The following ARHGAP10 variants were observed in gnomAD, a reference collection of about 807,000 sequenced individuals.
ARHGAP10 encodes rho GTPase-activating protein 10.
Under a neutral mutation model 108.6 loss-of-function variants are expected in ARHGAP10, and 87 were observed. That is an observed-to-expected ratio of 0.80 (90% CI 0.67 to 0.96). The LOEUF (loss-of-function observed/expected upper bound fraction) is 0.96, where lower values mean the gene tolerates loss of function less well. Among genes scored for constraint, ARHGAP10 ranks in the 40% least tolerant of loss-of-function variants. ARHGAP10 has a pLI of 0.00. For synonymous variants in ARHGAP10, 347 were observed against 341.1 expected (o/e 1.02, Z -0.19); for missense variants, 939 against 954.5 (o/e 0.98, Z 0.21).
intron 1 of ARHGAP10, among the ~76,000 whole-genome samples, chr4:147,794,141 T>A (rs1731226564): frequency 6.6e-6 from 1 of 152,140 alleles, no homozygotes; most frequent in Non-Finnish European, 1.5e-5. Flanking sequence ...TGGTGGAAAG[T>A]GCAAAGTAAG....
intron 1 of ARHGAP10, among the ~76,000 whole-genome samples, chr4:147,743,813 A>G (rs1330431624): frequency 6.6e-6 from 1 of 152,184 alleles, no homozygotes; most frequent in Non-Finnish European, 1.5e-5. Flanking sequence ...AATAAAGTGG[A>G]TAATAGTTAC....
Position 148,004,932 on chromosome 4 carries a change from C to T in ARHGAP10, c.1717-18331C>T, listed in dbSNP as rs118018087. Among the ~76,000 whole-genome samples, 124 of 152,304 alleles carry T rather than the reference C, an allele frequency of 8.1e-4. No individual in the cohort carries two copies. The East Asian group carries it at 0.018, about 23-fold the overall frequency. On this transcript the variant is annotated intron_variant, in intron 18 of 22. Transcript: ENST00000336498. ...AGAGTAAGCATTTTGTTTTCAGCTGCTGAGATTATGCTAATTTGTTGCACA... is the reference window on the plus strand; with the variant it reads ...AGAGTAAGCATTTTGTTTTCAGCTGTTGAGATTATGCTAATTTGTTGCACA...
chr4:147,837,996 C>T (rs1461891380), intron 3 of ARHGAP10, among the ~76,000 whole-genome samples: 1 of 152,032 alleles, frequency 6.6e-6, no homozygotes, highest in Non-Finnish European at 1.5e-5. Context: ...TCAGATGTCT[C>T]CCTTCATCAT....
intron 19 of ARHGAP10, among the ~76,000 whole-genome samples, chr4:148,023,835 C>T (rs926124021): frequency 2.0e-5 from 3 of 152,216 alleles, no homozygotes; most frequent in Non-Finnish European, 2.9e-5. Context: ...GTGTGCCTTA[C>T]TTGCCCCATT....
rs1441171197 is a variant in ARHGAP10, at chr4:147,784,520, A to G, written c.155-38207A>G. Among the ~76,000 whole-genome samples the G allele has an allele frequency of 1.9e-4, 7 of 37,234 alleles. No individual in the cohort carries two copies. In the Admixed American group the frequency reaches 2.8e-3, roughly 15 times the overall value. The allele number at this position is 37,234 out of a possible 152,430, so 24.4% of individuals were successfully genotyped here. A position where few individuals can be genotyped will look rare whatever the true frequency, so the allele number is the denominator to read the frequency against. Reference sequence around the variant, plus strand: ...ATATATAATATATACTGCAAAATATATATAATATAAAACATATATTTTATA... The same window carrying G: ...ATATATAATATATACTGCAAAATATGTATAATATAAAACATATATTTTATA... On this transcript the variant is annotated intron_variant, in intron 1 of 22. Coordinates refer to ENST00000336498, the MANE Select transcript of ARHGAP10 (RefSeq NM_024605.4).
intron 16 of ARHGAP10, among the ~76,000 whole-genome samples, chr4:147,959,880 A>G (rs138334537): frequency 6.6e-6 from 1 of 152,350 alleles, no homozygotes; most frequent in African/African-American, 2.4e-5. Flanking sequence ...TAAAGTATTT[A>G]AACTAGGTTT....
At chr4:147,770,316 G>A (rs1730024456) in intron 1 of ARHGAP10, among the ~76,000 whole-genome samples, 2 of 152,158 alleles carry the variant, frequency 1.3e-5, no homozygotes, top group Admixed American at 1.3e-4. Context: ...TTGGAGGTCA[G>A]GAGTTAGACA....
chr4:147,881,970 G>GT, intron 10 of ARHGAP10, 38 bp downstream of exon 10: 1 of 1,582,530 alleles, frequency 6.3e-7, no homozygotes. Flanking sequence ...TGAAAGAGTC[G>GT]TTTTAAAAAA....
intron 1 of ARHGAP10, among the ~76,000 whole-genome samples, chr4:147,742,017 C>T (rs1022505970): frequency 3.3e-5 from 5 of 151,990 alleles, no homozygotes; most frequent in African/African-American, 1.2e-4. Flanking sequence ...TTTCTCCTGA[C>T]TTGTTGACTT....
chr4:147,918,775 C>T (rs1737101130), intron 13 of ARHGAP10, among the ~76,000 whole-genome samples: 1 of 152,206 alleles, frequency 6.6e-6, no homozygotes, highest in African/African-American at 2.4e-5. Flanking sequence ...AAGAATATGT[C>T]ATGTCTCTCA....
chr4:147,894,137 C>A (rs567214236), intron 10 of ARHGAP10, among the ~76,000 whole-genome samples: 90 of 15,402 alleles, frequency 5.8e-3, no homozygotes, highest in African/African-American at 6.4e-3. Flanking sequence ...TGCATAAATA[C>A]TTTGGGTGTG....
chr4:148,060,408 T>C (rs1729565911), intron 20 of ARHGAP10, among the ~76,000 whole-genome samples: 1 of 149,844 alleles, frequency 6.7e-6, no homozygotes, highest in Non-Finnish European at 1.5e-5. Flanking sequence ...TGGGAGACAC[T>C]GTGAAACATG....
At chr4:148,069,080 C>T (rs1388842253) in intron 22 of ARHGAP10, among the ~76,000 whole-genome samples, 2 of 152,142 alleles carry the variant, frequency 1.3e-5, no homozygotes, top group Non-Finnish European at 2.9e-5. Context: ...TCCGCGTAGA[C>T]ACTGCTTGGG....
chr4:147,768,741 CT>C (rs34388709), intron 1 of ARHGAP10, among the ~76,000 whole-genome samples: 87,517 of 126,404 alleles, frequency 0.69, 33,689 homozygotes, highest in Non-Finnish European at 0.87. Context: ...ATTTTCTTGT[CT>C]TTTTTTTTTT....
chr4:147,866,638 C>A, intron 6 of ARHGAP10, 74 bp from the exon 7 acceptor site: 1 of 1,089,724 alleles, frequency 9.2e-7, no homozygotes, highest in Non-Finnish European at 1.4e-6. Flanking sequence ...GGGGGGAACA[C>A]TTGGTTGTTT....
chr4:148,035,891 C>G (rs1271172289), intron 19 of ARHGAP10, among the ~76,000 whole-genome samples: 1 of 152,120 alleles, frequency 6.6e-6, no homozygotes, highest in Non-Finnish European at 1.5e-5. Context: ...GCAATACTTA[C>G]TACTCTATGG....
At chr4:147,975,924 C>T (rs1383517723) in intron 18 of ARHGAP10, among the ~76,000 whole-genome samples, 2 of 152,196 alleles carry the variant, frequency 1.3e-5, no homozygotes, top group African/African-American at 4.8e-5. Context: ...GCATCTACCT[C>T]TCTTTGCCAC....
chr4:148,066,392 A>G lies in ARHGAP10; in HGVS notation c.2272+1885A>G, dbSNP rs1166456151. 3.9e-5 allele frequency among the ~76,000 whole-genome samples: 6 copies of G among 152,236 alleles called. No homozygotes were observed. The East Asian group carries it at 1.2e-3, about 29-fold the overall frequency. The stretch of plus-strand genomic sequence containing the variant: ...GGTATAGGATACCTGCTCTGGGCAC[A>G]CAGCCATGTGAATGAGGGTCAGTGC... On this transcript the variant is annotated intron_variant, in intron 22 of 22. Coordinates refer to ENST00000336498, the MANE Select transcript of ARHGAP10 (RefSeq NM_024605.4).
intron 10 of ARHGAP10, among the ~76,000 whole-genome samples, chr4:147,889,925 T>C (rs115346185): frequency 0.01 from 1,545 of 152,346 alleles, 23 homozygotes; most frequent in African/African-American, 0.034. Flanking sequence ...TTCTCTTGTT[T>C]GGGAAGCCCA....
Sources: allele counts gnomAD v4.1 joint callset (sites outside exome capture counted in the v4.1 genomes callset), GRCh38; gene constraint gnomAD v4.1.1; transcripts MANE v1.5; gene names NCBI Gene and HGNC (gene_info 2026-07-23, HGNC 2026-07-21).